GTF2H3: variants seen among roughly 807,000 people sequenced by gnomAD.
The protein encoded by GTF2H3 is TFIIH basal transcription factor complex p34 subunit.
Under a neutral mutation model 51.1 loss-of-function variants are expected in GTF2H3, and 42 were observed. The ratio of observed to expected loss-of-function variants is 0.82; its 90% CI spans 0.64 to 1.06. The LOEUF is 1.06. Ranked by LOEUF, GTF2H3 falls within the 50% of genes least tolerant of loss-of-function variation. GTF2H3 has a pLI of 0.00. For missense variants in GTF2H3, 326 were observed against 366.1 expected, an observed-to-expected ratio of 0.89 and a Z score of 0.89; for synonymous variants, 123 against 123.8, an observed-to-expected ratio of 0.99 and a Z score of 0.04.
chr12:123,648,116 A>G lies in GTF2H3; in HGVS notation c.354A>G (p.Leu118=), dbSNP rs761246241. ...TTATTGTTGAAGAGATTAAAGATCT[A>G]ATGACCAAAAGTAACAACTTTTAAA... The part of the protein sequence containing the change: ...NEVIVEEIKD[L]MTKSDIKGQH... The change falls in exon 4 of 13, where the codon CTA becomes CTG. Residue 118 remains leucine, a synonymous_variant. Coordinates refer to ENST00000543341, the MANE Select transcript of GTF2H3 (RefSeq NM_001516.5). 1 of 1,600,060 alleles carries G rather than the reference A, an allele frequency of 6.2e-7. No individual in the cohort carries two copies. The highest frequency in any genetic ancestry group is 8.5e-7 in the Non-Finnish European group (1 of 1,171,666).
chr12:123,635,800 G>A (rs1470975540), intron 1 of GTF2H3, among the ~76,000 whole-genome samples: 1 of 152,154 alleles, frequency 6.6e-6, no homozygotes, highest in African/African-American at 2.4e-5. Context: ...GGACTGGGAC[G>A]AGAGATCAGA....
At chr12:123,642,411 C>T (rs551366366) in intron 2 of GTF2H3, among the ~76,000 whole-genome samples, 4 of 152,162 alleles carry the variant, frequency 2.6e-5, no homozygotes, top group South Asian at 2.1e-4. Flanking sequence ...CCTCGTGATC[C>T]GCCCACCTCA....
At chr12:123,637,779 C>T (rs780236739) in intron 1 of GTF2H3, among the ~76,000 whole-genome samples, 6 of 151,926 alleles carry the variant, frequency 3.9e-5, no homozygotes, top group Non-Finnish European at 7.4e-5. Context: ...CTGGGATGGG[C>T]GCCCAGCCTG....
At chr12:123,636,442 T>A (rs1483372440) in intron 1 of GTF2H3, among the ~76,000 whole-genome samples, 1 of 152,170 alleles carries the variant, frequency 6.6e-6, no homozygotes, top group Non-Finnish European at 1.5e-5. Flanking sequence ...GGAAGCAAAG[T>A]ACGGAGGGAG....
intron 2 of GTF2H3, among the ~76,000 whole-genome samples, chr12:123,641,795 A>T (rs1955378923): frequency 6.6e-6 from 1 of 151,948 alleles, no homozygotes; most frequent in South Asian, 2.1e-4. Context: ...TTTTTTACGT[A>T]CTATATTAAT....
chr12:123,636,227 G>A (rs1955281227), intron 1 of GTF2H3, among the ~76,000 whole-genome samples: 1 of 152,198 alleles, frequency 6.6e-6, no homozygotes, highest in Admixed American at 6.5e-5. Flanking sequence ...TTGCTGGGTG[G>A]TTGTCAGGGT....
At chr12:123,636,444 C>T (rs12830927) in intron 1 of GTF2H3, among the ~76,000 whole-genome samples, 46,979 of 152,182 alleles carry the variant, frequency 0.31, 7,801 homozygotes, top group Non-Finnish European at 0.38. Context: ...AAGCAAAGTA[C>T]GGAGGGAGGA....
chr12:123,648,554 C>CT (rs771747039), intron 4 of GTF2H3, among the ~76,000 whole-genome samples: 2 of 152,136 alleles, frequency 1.3e-5, no homozygotes, highest in Non-Finnish European at 2.9e-5. Flanking sequence ...CTAACCCAGA[C>CT]TTTCTTTCAT....
chr12:123,644,543 G>C (rs1955420930), intron 2 of GTF2H3, among the ~76,000 whole-genome samples: 1 of 151,996 alleles, frequency 6.6e-6, no homozygotes, highest in Admixed American at 6.6e-5. Flanking sequence ...GCACAGGCCT[G>C]TAGTCCCAGC....
In GTF2H3 at chr12:123,651,436, C is replaced by G. The variant is rs183748434; in HGVS notation, c.427+380C>G. On this transcript the variant is annotated intron_variant, in intron 5 of 12. Transcript: ENST00000543341. ...AAGTTAGCCAGGCTGGTCTCTAACT[C>G]CTGACTTCAAGTGATCCACCCACCT... 3.3e-5 allele frequency among the ~76,000 whole-genome samples: 5 copies of G among 152,184 alleles called. No individual in the cohort carries two copies. The East Asian group carries it at 9.7e-4, about 30-fold the overall frequency.
intron 7 of GTF2H3, 27 bp from the exon 8 acceptor site, chr12:123,654,897 T>C: frequency 6.5e-7 from 1 of 1,541,990 alleles, no homozygotes; most frequent in South Asian, 1.1e-5. Context: ...TGTGCCTGGG[T>C]GGAATTAACA....
chr12:123,655,483 A>G, intron 8 of GTF2H3: 1 of 376,906 alleles, frequency 2.7e-6, no homozygotes, highest in Non-Finnish European at 4.7e-6. Context: ...TGCTATAGCC[A>G]TGCATAATGT....
At chr12:123,640,406 G>A (rs1018487761) in intron 2 of GTF2H3, among the ~76,000 whole-genome samples, 1 of 147,198 alleles carries the variant, frequency 6.8e-6, no homozygotes, top group African/African-American at 2.5e-5. Context: ...GCGCGATCTC[G>A]GCTCACTGCA....
Position 123,660,836 on chromosome 12 carries a change from A to G in GTF2H3, c.*601A>G, listed in dbSNP as rs1018798629. On this transcript the variant is annotated 3_prime_UTR_variant, in exon 13 of 13. Transcript: ENST00000543341. ...AAATAACTACAAAATCTCATTTTAA[A>G]TGAGTAAGGAGAACGTGTACAGAAG... 1 of 152,260 alleles carries G rather than the reference A, an allele frequency of 6.6e-6. No individual in the cohort carries two copies. Among genetic ancestry groups the G allele is most frequent in the Non-Finnish European group, 1.5e-5 (1 of 68,060 alleles). The allele number at this position is 152,260 out of a possible 1,614,324, so 9.4% of individuals were successfully genotyped here.
At chr12:123,641,336 C>T (rs1955368543) in intron 2 of GTF2H3, among the ~76,000 whole-genome samples, 1 of 151,590 alleles carries the variant, frequency 6.6e-6, no homozygotes, top group African/African-American at 2.4e-5. Flanking sequence ...AGCGATTCTT[C>T]TGCCTCAGTC....
At chr12:123,634,620 G>A (rs1955247764) in intron 1 of GTF2H3, among the ~76,000 whole-genome samples, 1 of 152,194 alleles carries the variant, frequency 6.6e-6, no homozygotes, top group Admixed American at 6.5e-5. Flanking sequence ...GTGAAGTTCT[G>A]GGGGAAGTGC....
At chr12:123,636,019 T>C (rs1288872857) in intron 1 of GTF2H3, among the ~76,000 whole-genome samples, 1 of 152,214 alleles carries the variant, frequency 6.6e-6, no homozygotes, top group African/African-American at 2.4e-5. Flanking sequence ...AGAATACGAA[T>C]ACCATATATC....
chr12:123,640,769 C>T (rs1359946689), intron 2 of GTF2H3, among the ~76,000 whole-genome samples: 4 of 152,140 alleles, frequency 2.6e-5, no homozygotes, highest in Non-Finnish European at 4.4e-5. Context: ...AAATAAGCCT[C>T]ACTCATAAAT....
At chr12:123,659,621 G>A (rs779216405) in intron 10 of GTF2H3, 37 bp downstream of exon 10, 7 of 1,588,828 alleles carry the variant, frequency 4.4e-6, no homozygotes, top group Non-Finnish European at 6.0e-6. Context: ...ATGCCTGGAG[G>A]GAAGGATGAC....
Sources: gnomAD v4.1 joint callset for allele counts (sites outside exome capture counted in the v4.1 genomes callset) on GRCh38, gnomAD v4.1.1 for gene constraint, MANE v1.5 for transcripts, NCBI Gene and HGNC (gene_info 2026-07-23, HGNC 2026-07-21) for gene names.